Variants in USP9X observed in about 807,000 individuals in gnomAD.
The protein encoded by USP9X is ubiquitin specific peptidase 9 X-linked.
USP9X carries 7 observed loss-of-function variants against 190.3 expected under a neutral mutation model. The observed-to-expected ratio is 0.04, with a 90% CI of 0.02 to 0.07. The LOEUF (loss-of-function observed/expected upper bound fraction) is 0.07, where lower values mean the gene tolerates loss of function less well. Among genes scored for constraint, USP9X ranks in the 10% least tolerant of loss-of-function variants. The pLI, the probability that USP9X is intolerant of heterozygous loss-of-function variation, is 1.00. For missense variants in USP9X, 1,010 were observed against 1,916.9 expected (o/e 0.53, Z 8.83); for synonymous variants, 645 against 659.5 (o/e 0.98, Z 0.34).
chrX:41,129,586 T>G (rs1291387621), intron 3 of USP9X, among the ~76,000 whole-genome samples: 1 of 111,980 alleles, frequency 8.9e-6, no homozygotes, highest in Non-Finnish European at 1.9e-5. Flanking sequence ...ATATAATTTT[T>G]CACACTTATA....
intron 24 of USP9X, 59 bp downstream of exon 24, chrX:41,186,701 T>C: frequency 8.8e-7 from 1 of 1,140,320 alleles, no homozygotes; most frequent in Non-Finnish European, 1.2e-6. Flanking sequence ...CTTATTTTAA[T>C]CACTGTCTCA....
chrX:41,227,667 A>G (rs1474368900), intron 41 of USP9X, among the ~76,000 whole-genome samples: 1 of 111,664 alleles, frequency 9.0e-6, no homozygotes, highest in East Asian at 2.8e-4. Context: ...TAGTACATTC[A>G]CAATGTTGTA....
chrX:41,118,939 C>G (rs189375268), intron 1 of USP9X, among the ~76,000 whole-genome samples: 1 of 111,229 alleles, frequency 9.0e-6, no homozygotes, highest in East Asian at 2.8e-4. Context: ...CTCAGAGTTT[C>G]AAGAAGGGAG....
chrX:41,198,908 C>T (rs974473318), intron 30 of USP9X, among the ~76,000 whole-genome samples, 158 bp downstream of exon 30: 4 of 111,960 alleles, frequency 3.6e-5, no homozygotes, highest in African/African-American at 6.5e-5. Context: ...CATTATAGGC[C>T]GGGCACGGTG....
intron 33 of USP9X, among the ~76,000 whole-genome samples, chrX:41,213,488 G>A (rs183151611): frequency 1.8e-3 from 201 of 111,513 alleles, no homozygotes; most frequent in Non-Finnish European, 2.6e-3. Context: ...TGGTAGGTTG[G>A]GTGTATTAAA....
chrX:41,177,594 TAG>T (rs1288085526), intron 21 of USP9X, among the ~76,000 whole-genome samples: 2 of 112,353 alleles, frequency 1.8e-5, no homozygotes, highest in Admixed American at 9.4e-5. Context: ...ATGCTTTGTG[TAG>T]AGAGATGCTT....
At chrX:41,224,073 G>T (rs1335942133) in intron 39 of USP9X, among the ~76,000 whole-genome samples, 1 of 109,479 alleles carries the variant, frequency 9.1e-6, no homozygotes, top group African/African-American at 3.3e-5. Context: ...TGGGTGTGGT[G>T]GTGTGCACCT....
chrX:41,098,665 CTT>C (rs1374336631), intron 1 of USP9X, among the ~76,000 whole-genome samples: 5 of 109,125 alleles, frequency 4.6e-5, no homozygotes, highest in African/African-American at 1.3e-4. Context: ...AAGTGATTCT[CTT>C]GTTTCAGCCT....
intron 43 of USP9X, chrX:41,229,995 G>A (rs1249645147): frequency 3.0e-5 from 16 of 537,718 alleles, no homozygotes; most frequent in Non-Finnish European, 4.5e-5. Flanking sequence ...GAGGTCAGGA[G>A]TTCAAGACCA....
intron 44 of USP9X, among the ~76,000 whole-genome samples, chrX:41,231,887 AT>A (rs2063363171): frequency 8.9e-6 from 1 of 111,763 alleles, no homozygotes; most frequent in African/African-American, 3.3e-5. Flanking sequence ...GAAAGCTCTT[AT>A]GTTAATCATG....
intron 18 of USP9X, among the ~76,000 whole-genome samples, chrX:41,168,921 C>T (rs2062701235): frequency 9.0e-6 from 1 of 111,291 alleles, no homozygotes; most frequent in Admixed American, 9.5e-5. Context: ...GTTTATTAAT[C>T]ATGAAATTAT....
chrX:41,194,990 A>G (rs961928449), intron 26 of USP9X, among the ~76,000 whole-genome samples: 3 of 111,254 alleles, frequency 2.7e-5, no homozygotes, highest in African/African-American at 9.8e-5. Flanking sequence ...AGGTTTTCCC[A>G]AGGGTCATCA....
intron 13 of USP9X, among the ~76,000 whole-genome samples, chrX:41,151,708 C>T (rs1308877697): frequency 3.6e-5 from 4 of 112,641 alleles, no homozygotes; most frequent in Admixed American, 2.8e-4. Context: ...TGGCCTGGTG[C>T]GGTGGCTCAC....
At chrX:41,179,439 G>GT (rs1264695437) in intron 21 of USP9X, among the ~76,000 whole-genome samples, 8 of 111,161 alleles carry the variant, frequency 7.2e-5, no homozygotes, top group East Asian at 5.7e-4. Flanking sequence ...TCTTTCATCA[G>GT]TTTTTTTTGT....
intron 32 of USP9X, among the ~76,000 whole-genome samples, chrX:41,206,252 G>C (rs761497775): frequency 9.0e-6 from 1 of 111,724 alleles, no homozygotes; most frequent in Non-Finnish European, 1.9e-5. Flanking sequence ...AAATACTTAA[G>C]TATGTGTCTG....
intron 14 of USP9X, 123 bp downstream of exon 14, chrX:41,153,204 T>C: frequency 1.4e-6 from 1 of 711,191 alleles, no homozygotes; most frequent in Non-Finnish European, 1.9e-6. Context: ...TCCCAACTCT[T>C]AGACATCCTA....
At chrX:41,151,221 CTT>C (rs11298138) in intron 13 of USP9X, among the ~76,000 whole-genome samples, 164 bp downstream of exon 13, 1 of 108,711 alleles carries the variant, frequency 9.2e-6, no homozygotes, top group African/African-American at 3.3e-5. Context: ...CATCTACCTC[CTT>C]TTTTTTTATT....
intron 1 of USP9X, among the ~76,000 whole-genome samples, chrX:41,105,756 T>C (rs974264254): frequency 2.7e-5 from 3 of 112,421 alleles, no homozygotes; most frequent in African/African-American, 9.7e-5. Flanking sequence ...ATTTTACATT[T>C]CTTCCAGCAA....
intron 14 of USP9X, among the ~76,000 whole-genome samples, chrX:41,158,615 TCAGA>T (rs1034515333): frequency 2.7e-5 from 3 of 111,317 alleles, no homozygotes; most frequent in African/African-American, 6.5e-5. Flanking sequence ...ACAAGTGACA[TCAGA>T]CAGAGTGTTC....
Sources: gnomAD v4.1 joint callset for allele counts (sites outside exome capture counted in the v4.1 genomes callset) on GRCh38, gnomAD v4.1.1 for gene constraint, MANE v1.5 for transcripts, NCBI Gene and HGNC (gene_info 2026-07-23, HGNC 2026-07-21) for gene names.